Variants in CIT observed in about 807,000 individuals in gnomAD.
The protein encoded by CIT is citron rho-interacting serine/threonine kinase.
A neutral mutation model predicts 272.7 loss-of-function variants in CIT; 79 were observed. The observed-to-expected ratio is 0.29, with a 90% CI of 0.24 to 0.35. The LOEUF (loss-of-function observed/expected upper bound fraction) is 0.35, where lower values mean the gene tolerates loss of function less well. CIT is among the 10% of genes least tolerant of loss of function. The probability of loss-of-function intolerance (pLI) is 1.00; values close to 1 mark genes in which losing one functional copy is unlikely to be tolerated. For synonymous variants in CIT, 948 were observed against 995.6 expected (o/e 0.95, Z 0.90); for missense variants, 1,909 against 2,618.3 (o/e 0.73, Z 5.91).
rs913978520 is a variant in CIT, at chr12:119,804,983, G to A, written c.1112-1594C>T. Among the ~76,000 whole-genome samples the A allele has an allele frequency of 6.6e-6, 1 of 152,088 alleles. No homozygotes were observed. Among genetic ancestry groups the A allele is most frequent in the African/African-American group, 2.4e-5 (1 of 41,396 alleles). On this transcript the variant is annotated intron_variant, in intron 9 of 47. Transcript: ENST00000392521. This position sits in a 1 kb window ranked among gnomAD's most constrained non-coding sequence, Gnocchi z 5.3. ...AATTAGCTGATGGAAAGAAAAATTA[G>A]ATTGAACACTTCAGCCCACATCCCA...
chr12:119,767,163 C>G lies in CIT; in HGVS notation c.2228G>C (p.Arg743Pro). ...DKILELEEKH[R>P]EAQVSAQHLE... is the part of the protein sequence containing the mutation. The stretch of plus-strand genomic sequence containing the variant: ...GTGCTGGGCTGAGACTTGGGCCTCC[C>G]GATGTTTCTCTTCGAGCTCCTAGAC... Residue 743 changes from arginine (R) to proline (P), a missense_variant, in exon 19 of 48, where the codon CGG becomes CCG. By Grantham distance (103) the Arg-to-Pro change is moderately radical (BLOSUM62 -2). Transcript: ENST00000392521. 2 of 1,609,812 alleles carry G rather than the reference C, an allele frequency of 1.2e-6. No homozygotes were observed. The highest frequency in any genetic ancestry group is 1.7e-6 in the Non-Finnish European group (2 of 1,177,908).
At chr12:119,703,750 T>C (rs1163246617) in intron 41 of CIT, among the ~76,000 whole-genome samples, 13 of 152,124 alleles carry the variant, frequency 8.5e-5, no homozygotes, top group Non-Finnish European at 1.8e-4. Context: ...AGACTAATCA[T>C]GAAAGCACCA....
intron 27 of CIT, among the ~76,000 whole-genome samples, chr12:119,729,386 A>G (rs1317132694): frequency 6.6e-6 from 1 of 152,198 alleles, no homozygotes; most frequent in Non-Finnish European, 1.5e-5. Flanking sequence ...ATAAAGATTC[A>G]TGTTTATCAT....
At chr12:119,803,799 A>G (rs1178591936) in intron 9 of CIT, among the ~76,000 whole-genome samples, 1 of 152,146 alleles carries the variant, frequency 6.6e-6, no homozygotes, top group Non-Finnish European at 1.5e-5. Context: ...TCCTCCAGAC[A>G]GGTCTAAATT....
At chr12:119,717,414 C>CTT (rs765763044) in intron 32 of CIT, among the ~76,000 whole-genome samples, 4,381 of 108,102 alleles carry the variant, frequency 0.041, 246 homozygotes, top group African/African-American at 0.11. Flanking sequence ...TTTTTCTTTT[C>CTT]TTTTCTTTTT....
intron 41 of CIT, among the ~76,000 whole-genome samples, chr12:119,703,167 A>G (rs979291513): frequency 6.6e-6 from 1 of 152,050 alleles, no homozygotes; most frequent in East Asian, 1.9e-4. Context: ...AGGAAAAAAA[A>G]TCAAACTTCA....
At position 119,834,150 on chromosome 12, in the gene CIT, G is replaced by A; in HGVS notation, c.595C>T (p.Gln199Ter). ...YEDQLDENLIQFYLAELILAV... is the reference protein window; with the variant it reads ...YEDQLDENLI ...AAAATCAGCTCAGCTAGGTAAAACT[G>A]TATCAGGTTTTCATCTAACTGGTCC... The change falls in exon 6 of 48, where the codon CAG (glutamine) becomes TAG (stop). Residue 199 changes from glutamine (Q) to a stop codon, truncating the protein, a stop_gained. Coordinates refer to ENST00000392521, the MANE Select transcript of CIT (RefSeq NM_001206999.2). LOFTEE classifies it high-confidence loss of function. The A allele has an allele frequency of 6.2e-7, 1 of 1,613,980 alleles. No individual in the cohort carries two copies. The highest frequency in any genetic ancestry group is 1.1e-5 in the South Asian group (1 of 91,070).
chr12:119,737,849 C>T (rs907654344), intron 24 of CIT, among the ~76,000 whole-genome samples: 1 of 152,194 alleles, frequency 6.6e-6, no homozygotes, highest in Non-Finnish European at 1.5e-5. Context: ...AGCCATAACA[C>T]ATTTAGCTTG....
At chr12:119,870,142 A>C (rs1445866777) in intron 2 of CIT, among the ~76,000 whole-genome samples, 2 of 152,128 alleles carry the variant, frequency 1.3e-5, no homozygotes, top group Admixed American at 1.3e-4. Flanking sequence ...TCCTTACTTT[A>C]AGCGCTGGAG....
chr12:119,763,197 T>A (rs1208638326), intron 19 of CIT, among the ~76,000 whole-genome samples: 1 of 30,912 alleles, frequency 3.2e-5, no homozygotes, highest in African/African-American at 1.8e-4. Context: ...TCTAAATCAA[T>A]TTAAGATAGA....
chr12:119,732,330 T>A (rs771975790), intron 26 of CIT, among the ~76,000 whole-genome samples: 83 of 152,268 alleles, frequency 5.5e-4, no homozygotes, highest in Admixed American at 1.8e-3. Context: ...ATACCTTCCA[T>A]GTATGGTCGT....
intron 22 of CIT, 40 bp downstream of exon 22, chr12:119,757,331 G>T (rs552708902): frequency 6.2e-7 from 1 of 1,608,438 alleles, no homozygotes; most frequent in South Asian, 1.1e-5. Context: ...AGCCCGAATC[G>T]CCCAGCAAAT....
Position 119,713,176 on chromosome 12 carries a change from G to T in CIT, c.4579+27C>A. ...GAGACCTGGGTTAGCCACGTGCAAT[G>T]ACCTTCCCCCTGAATTATTAATTTA... On this transcript the variant is annotated intron_variant, in intron 35 of 47. Coordinates refer to ENST00000392521, the MANE Select transcript of CIT (RefSeq NM_001206999.2). The surrounding 1 kb of genome is among the most constrained non-coding windows in gnomAD (Gnocchi z 5.2). The T allele has an allele frequency of 1.3e-6, 2 of 1,584,592 alleles. No homozygotes were observed. The highest frequency in any genetic ancestry group is 1.1e-5 in the South Asian group (1 of 89,922).
At chr12:119,796,500 A>T (rs963462874) in intron 10 of CIT, among the ~76,000 whole-genome samples, 1 of 152,212 alleles carries the variant, frequency 6.6e-6, no homozygotes, top group Non-Finnish European at 1.5e-5. Flanking sequence ...AAGGGTAGGG[A>T]AGGTGGTAGT....
chr12:119,839,727 A>G (rs1231103148), intron 5 of CIT, among the ~76,000 whole-genome samples: 1 of 152,136 alleles, frequency 6.6e-6, no homozygotes, highest in African/African-American at 2.4e-5. Context: ...AGGACACGCA[A>G]AACAGGGAAT....
At chr12:119,877,037 C>T (rs908540877) in intron 1 of CIT, among the ~76,000 whole-genome samples, 2 of 152,206 alleles carry the variant, frequency 1.3e-5, no homozygotes, top group African/African-American at 2.4e-5. Context: ...CCTGCCCCAG[C>T]ACCACTCGGC....
intron 29 of CIT, among the ~76,000 whole-genome samples, chr12:119,720,997 T>C (rs1957791504): frequency 6.6e-6 from 1 of 152,174 alleles, no homozygotes; most frequent in African/African-American, 2.4e-5. Flanking sequence ...GACAAAGTCT[T>C]GCTCTGTTGC....
At chr12:119,771,552 G>A (rs988556864) in intron 17 of CIT, among the ~76,000 whole-genome samples, 2 of 152,160 alleles carry the variant, frequency 1.3e-5, no homozygotes, top group Non-Finnish European at 2.9e-5. Flanking sequence ...GTCAAAGGTT[G>A]AGGGTTTCAG....
At chr12:119,871,583 G>A (rs768723125) in intron 2 of CIT, among the ~76,000 whole-genome samples, 21 of 152,168 alleles carry the variant, frequency 1.4e-4, no homozygotes, top group Non-Finnish European at 2.6e-4. Context: ...GCAGGGAGAG[G>A]TGGCTCACAC....
Sources: allele counts gnomAD v4.1 joint callset (sites outside exome capture counted in the v4.1 genomes callset), GRCh38; gene constraint gnomAD v4.1.1; non-coding constraint Gnocchi (gnomAD v3.1); transcripts MANE v1.5; gene names NCBI Gene and HGNC (gene_info 2026-07-23, HGNC 2026-07-21).